The following ARID4A variants were observed in gnomAD, a reference collection of about 807,000 sequenced individuals.
The protein encoded by ARID4A is AT-rich interaction domain 4A, also known as AT-rich interactive domain-containing protein 4A.
In ARID4A, 39 loss-of-function variants were observed where a neutral mutation model predicts 148.6. The ratio of observed to expected loss-of-function variants is 0.26; its 90% CI spans 0.20 to 0.34. The LOEUF (loss-of-function observed/expected upper bound fraction) is 0.34. Ranked by LOEUF, ARID4A falls within the 10% of genes least tolerant of loss-of-function variation. ARID4A has a pLI of 1.00. For missense variants in ARID4A, 1,265 were observed against 1,449.1 expected (o/e 0.87, Z 2.06); for synonymous variants, 475 against 481.2 (o/e 0.99, Z 0.17).
In ARID4A at chr14:58,365,212, TGA is replaced by T; in HGVS notation, c.3127_3128del (p.Arg1043GlyfsTer7). 6.2e-7 allele frequency: 1 copy of T among 1,614,106 alleles called. No homozygotes were observed. On this transcript the variant is annotated frameshift_variant, in exon 20 of 24. Coordinates refer to ENST00000355431, the MANE Select transcript of ARID4A (RefSeq NM_002892.4). LOFTEE classifies it high-confidence loss of function. ...IAEESQEGLC[E>X]RESANGFETN... Reference sequence around the variant, plus strand: ...CTGAAGAATCTCAAGAAGGTCTCTGTGAGAGGGAATCGGCAAATGGATTTGAA... The same window carrying T: ...CTGAAGAATCTCAAGAAGGTCTCTGTGAGGGAATCGGCAAATGGATTTGAA...
intron 16 of ARID4A, among the ~76,000 whole-genome samples, chr14:58,352,824 A>G (rs969337707): frequency 7.0e-4 from 106 of 152,166 alleles, no homozygotes; most frequent in African/African-American, 2.5e-3. Flanking sequence ...CAGGATTGAT[A>G]CACAATATTT....
At chr14:58,311,091 C>A (rs548592009) in intron 5 of ARID4A, among the ~76,000 whole-genome samples, 8 of 151,966 alleles carry the variant, frequency 5.3e-5, no homozygotes, top group African/African-American at 1.9e-4. Flanking sequence ...ACTAAAAATA[C>A]AAAAATTAGC....
chr14:58,368,158 A>G (rs1019023837), intron 23 of ARID4A, among the ~76,000 whole-genome samples: 4 of 152,226 alleles, frequency 2.6e-5, no homozygotes, highest in African/African-American at 7.2e-5. Context: ...GCTGAGGGTA[A>G]TGATTAAGTG....
At chr14:58,369,860 C>T (rs965897908) in intron 23 of ARID4A, among the ~76,000 whole-genome samples, 2 of 152,014 alleles carry the variant, frequency 1.3e-5, no homozygotes, top group Non-Finnish European at 2.9e-5. Context: ...GCATAGCAGA[C>T]CTAGAAAGCA....
intron 11 of ARID4A, among the ~76,000 whole-genome samples, chr14:58,342,288 A>G (rs1652967185): frequency 6.6e-6 from 1 of 152,128 alleles, no homozygotes; most frequent in African/African-American, 2.4e-5. Flanking sequence ...CCCTCAAGGC[A>G]TTTGTTTGTA....
At position 58,365,105 on chromosome 14, in the gene ARID4A, G is replaced by C; in HGVS notation, c.3016G>C (p.Ala1006Pro). ...TGTAGTCCAACATAACTTTTCAGTAGCTTCACCACTTACTCTTAGTCAAGA... is the reference window on the plus strand; with the variant it reads ...TGTAGTCCAACATAACTTTTCAGTACCTTCACCACTTACTCTTAGTCAAGA... ...PPVVQHNFSV[A>P]SPLTLSQDES... The change falls in exon 20 of 24, where the codon GCT (alanine) becomes CCT (proline). Residue 1006 changes from alanine (A) to proline (P), a missense_variant. Around this residue, in one of 9 missense-constraint regions of ARID4A, gnomAD observed 666 missense variants for 730.9 expected, o/e 0.91. Transcript: ENST00000355431. The C allele has an allele frequency of 1.2e-6, 2 of 1,614,072 alleles. No homozygotes were observed. The highest frequency in any genetic ancestry group is 1.7e-6 in the Non-Finnish European group (2 of 1,179,988).
chr14:58,329,777 A>G (rs552544718), intron 10 of ARID4A, among the ~76,000 whole-genome samples, 173 bp downstream of exon 10: 3 of 152,280 alleles, frequency 2.0e-5, no homozygotes, highest in Non-Finnish European at 4.4e-5. Context: ...TTGTGATTAG[A>G]TAAGTTTAAC....
chr14:58,319,521 C>CTTTTTTTTTTTTTTTTTTT, intron 7 of ARID4A, among the ~76,000 whole-genome samples: 1 of 62,096 alleles, frequency 1.6e-5, no homozygotes. Flanking sequence ...TCTATATACT[C>CTTTTTTTTTTTTTTTTTTT]TTTTTTTTTT....
At chr14:58,315,358 T>A (rs2032339847) in intron 5 of ARID4A, among the ~76,000 whole-genome samples, 1 of 152,194 alleles carries the variant, frequency 6.6e-6, no homozygotes. Flanking sequence ...ATTCAAAAAT[T>A]GCTGAAATAT....
chr14:58,368,891 A>G (rs1012325769), intron 23 of ARID4A, among the ~76,000 whole-genome samples: 3 of 152,232 alleles, frequency 2.0e-5, no homozygotes, highest in African/African-American at 4.8e-5. Flanking sequence ...TTGGTGCTCA[A>G]AAGTTTCAGA....
At chr14:58,342,978 G>A (rs1379257929) in intron 11 of ARID4A, among the ~76,000 whole-genome samples, 1 of 152,170 alleles carries the variant, frequency 6.6e-6, no homozygotes, top group African/African-American at 2.4e-5. Context: ...ACAGGGCACA[G>A]GCAAAGCATA....
At chr14:58,365,658 T>C in intron 21 of ARID4A, 36 bp downstream of exon 21, 1 of 1,555,410 alleles carries the variant, frequency 6.4e-7, no homozygotes, top group Non-Finnish European at 8.8e-7. Context: ...TGTATAGTGT[T>C]AGTATTTTTA....
chr14:58,360,028 T>C (rs2035067519), intron 18 of ARID4A, among the ~76,000 whole-genome samples: 1 of 150,100 alleles, frequency 6.7e-6, no homozygotes, highest in Non-Finnish European at 1.5e-5. Context: ...ATCGCGCCAC[T>C]GCGCTCCAGC....
chr14:58,353,879 C>G (rs772081713), intron 17 of ARID4A, 24 bp downstream of exon 17: 1 of 1,591,510 alleles, frequency 6.3e-7, no homozygotes. Flanking sequence ...TATTTTCTTA[C>G]TATTGAAATT....
chr14:58,327,790 A>G (rs1263571289), intron 8 of ARID4A, among the ~76,000 whole-genome samples: 1 of 151,884 alleles, frequency 6.6e-6, no homozygotes, highest in Non-Finnish European at 1.5e-5. Context: ...TACCATCCCA[A>G]CCTTTTGTGT....
At chr14:58,359,806 C>G (rs890741029) in intron 18 of ARID4A, among the ~76,000 whole-genome samples, 1 of 152,152 alleles carries the variant, frequency 6.6e-6, no homozygotes, top group Admixed American at 6.5e-5. Flanking sequence ...GTGGCTCATG[C>G]CTGTAATGCC....
intron 5 of ARID4A, among the ~76,000 whole-genome samples, chr14:58,311,194 C>T (rs539682610): frequency 2.3e-4 from 35 of 152,168 alleles, no homozygotes; most frequent in African/African-American, 8.0e-4. Context: ...TGCAGTGAGC[C>T]AAGATCATGC....
chr14:58,338,935 A>C (rs1328168312), intron 11 of ARID4A, among the ~76,000 whole-genome samples: 1 of 115,466 alleles, frequency 8.7e-6, no homozygotes, highest in Non-Finnish European at 1.7e-5. Context: ...ATACACACAA[A>C]AGGTAGGGGT....
chr14:58,356,095 C>G (rs2034854786), intron 17 of ARID4A, among the ~76,000 whole-genome samples: 1 of 152,208 alleles, frequency 6.6e-6, no homozygotes, highest in Admixed American at 6.5e-5. Flanking sequence ...AAGGGAGTAT[C>G]TGCAAGTGTA....
Sources: gnomAD v4.1 joint callset for allele counts (sites outside exome capture counted in the v4.1 genomes callset) on GRCh38, gnomAD v4.1.1 for gene constraint, gnomAD v4.1.1 regional missense constraint, MANE v1.5 for transcripts, NCBI Gene and HGNC (gene_info 2026-07-23, HGNC 2026-07-21) for gene names.